ENOX1: variants seen among roughly 807,000 people sequenced by gnomAD.
The protein encoded by ENOX1 is candidate growth-related and time keeping constitutive hydroquinone (NADH) oxidase.
A neutral mutation model predicts 82.5 loss-of-function variants in ENOX1; 42 were observed. That is an observed-to-expected ratio of 0.51 (90% CI 0.40 to 0.66). The LOEUF (loss-of-function observed/expected upper bound fraction) is 0.66, where lower values mean the gene tolerates loss of function less well. Among genes scored for constraint, ENOX1 ranks in the 30% least tolerant of loss-of-function variants. The pLI, the probability that ENOX1 is intolerant of heterozygous loss-of-function variation, is 0.00. For missense variants in ENOX1, 608 were observed against 811.6 expected, an observed-to-expected ratio of 0.75 and a Z score of 3.05; for synonymous variants, 271 against 282.2, an observed-to-expected ratio of 0.96 and a Z score of 0.40.
rs114923021 is a variant in ENOX1 at position 43,461,535 on chromosome 13, A to G, written c.-75+22474T>C. 1.1e-3 allele frequency among the ~76,000 whole-genome samples: 172 copies of G among 152,308 alleles called. 1 individual carries two copies. The highest frequency in any genetic ancestry group is 0.01 in the Middle Eastern group (3 of 294). On this transcript the variant is annotated intron_variant, in intron 3 of 16. Transcript: ENST00000690772. ...CAAGGTCTCTGTCCTCACGGACTCT[A>G]TAAGTAGAATATATGAAAGGTGACT...
At chr13:43,551,638 G>A (rs754385462) in intron 2 of ENOX1, among the ~76,000 whole-genome samples, 9 of 152,076 alleles carry the variant, frequency 5.9e-5, no homozygotes, top group Non-Finnish European at 8.8e-5. Context: ...TTGATAATAC[G>A]ATGACTGAAA....
intron 11 of ENOX1, among the ~76,000 whole-genome samples, chr13:43,316,425 G>A (rs577585186): frequency 3.3e-5 from 5 of 152,148 alleles, no homozygotes; most frequent in African/African-American, 9.7e-5. Context: ...GAGATGTCAA[G>A]AATCATGGCA....
chr13:43,748,585 C>A (rs982207765), intron 1 of ENOX1, among the ~76,000 whole-genome samples: 1 of 152,140 alleles, frequency 6.6e-6, no homozygotes, highest in African/African-American at 2.4e-5. Flanking sequence ...GAATTTACTA[C>A]CTGACCTTGG....
intron 2 of ENOX1, among the ~76,000 whole-genome samples, chr13:43,567,553 C>T (rs953840770): frequency 3.3e-5 from 5 of 152,006 alleles, no homozygotes; most frequent in African/African-American, 9.7e-5. Context: ...TTCATTTCAT[C>T]CCTGTCTACA....
intron 2 of ENOX1, among the ~76,000 whole-genome samples, chr13:43,623,490 G>A (rs149461339): frequency 0.013 from 1,936 of 152,052 alleles, 54 homozygotes; most frequent in African/African-American, 0.044. Flanking sequence ...AGGTAAACTC[G>A]GAAACTTCTT....
intron 5 of ENOX1, among the ~76,000 whole-genome samples, chr13:43,400,786 C>T (rs552965878): frequency 6.6e-6 from 1 of 152,292 alleles, no homozygotes; most frequent in East Asian, 1.9e-4. Flanking sequence ...CCCCTACCCC[C>T]ACCACGAATG....
At chr13:43,501,064 GA>G (rs746473361) in intron 2 of ENOX1, among the ~76,000 whole-genome samples, 3 of 151,464 alleles carry the variant, frequency 2.0e-5, no homozygotes, top group Non-Finnish European at 4.4e-5. Context: ...AATTTAAGTG[GA>G]TCAAACTCAC....
At chr13:43,596,047 AAC>A (rs1398755106) in intron 2 of ENOX1, among the ~76,000 whole-genome samples, 2 of 152,236 alleles carry the variant, frequency 1.3e-5, no homozygotes, top group Non-Finnish European at 2.9e-5. Context: ...AAACTTCAGA[AAC>A]ACAGATGTTA....
chr13:43,597,735 G>T (rs973196407), intron 2 of ENOX1, among the ~76,000 whole-genome samples: 8 of 152,170 alleles, frequency 5.3e-5, no homozygotes, highest in African/African-American at 1.4e-4. Context: ...CAGAGAAAAA[G>T]CTGAGTCCTT....
At chr13:43,365,489 G>T (rs1299647022) in intron 5 of ENOX1, among the ~76,000 whole-genome samples, 2 of 152,226 alleles carry the variant, frequency 1.3e-5, no homozygotes, top group African/African-American at 4.8e-5. Flanking sequence ...ATAAAACACA[G>T]GTCCAGGTGG....
intron 2 of ENOX1, among the ~76,000 whole-genome samples, chr13:43,556,761 C>G (rs550228719): frequency 1.3e-5 from 2 of 149,682 alleles, no homozygotes; most frequent in Non-Finnish European, 3.0e-5. Flanking sequence ...TAAGTGGGTA[C>G]ATAAGTCACC....
At chr13:43,681,070 G>C (rs1237689933) in intron 1 of ENOX1, among the ~76,000 whole-genome samples, 2 of 152,186 alleles carry the variant, frequency 1.3e-5, no homozygotes, top group African/African-American at 4.8e-5. Context: ...TGGAGAGAAG[G>C]CCACACTTGC....
At chr13:43,738,946 G>A (rs116894344) in intron 1 of ENOX1, among the ~76,000 whole-genome samples, 2,068 of 152,210 alleles carry the variant, frequency 0.014, 36 homozygotes, top group South Asian at 0.029. Context: ...CCATACTCAT[G>A]GCTTAGCGGG....
chr13:43,423,876 C>T (rs1395428701), intron 3 of ENOX1, among the ~76,000 whole-genome samples: 1 of 152,164 alleles, frequency 6.6e-6, no homozygotes, highest in African/African-American at 2.4e-5. Flanking sequence ...CATTCACATT[C>T]TAAAAGTTCT....
Position 43,647,523 on chromosome 13 carries a change from A to G in ENOX1, c.-219+19956T>C, listed in dbSNP as rs114877546. On this transcript the variant is annotated intron_variant, in intron 2 of 16. Transcript: ENST00000690772. ...TCTGCCATCAGGAACCAAATTATCA[A>G]GAAGAATGTGACAAGTTCCACAAAT... Among the ~76,000 whole-genome samples, 911 of 152,324 alleles carry G rather than the reference A, an allele frequency of 6.0e-3. 12 individuals carry two copies. Among genetic ancestry groups the G allele is most frequent in the African/African-American group, 0.021 (875 of 41,586 alleles).
chr13:43,331,217 T>C (rs754187714), intron 9 of ENOX1, among the ~76,000 whole-genome samples: 5 of 152,242 alleles, frequency 3.3e-5, no homozygotes, highest in Non-Finnish European at 7.3e-5. Context: ...GTTAGAGTCC[T>C]CTAGAGAACA....
chr13:43,523,286 T>C (rs1221708485), intron 2 of ENOX1, among the ~76,000 whole-genome samples: 3 of 152,168 alleles, frequency 2.0e-5, no homozygotes, highest in Non-Finnish European at 2.9e-5. Flanking sequence ...TGGTTTAGTT[T>C]AGAAGGCACA....
chr13:43,652,447 C>T (rs561135184), intron 2 of ENOX1, among the ~76,000 whole-genome samples: 97 of 152,206 alleles, frequency 6.4e-4, no homozygotes, highest in African/African-American at 2.2e-3. Flanking sequence ...GGTGATGGTG[C>T]CACCAATAAA....
intron 3 of ENOX1, among the ~76,000 whole-genome samples, chr13:43,469,330 G>A (rs9533507): frequency 0.44 from 66,429 of 151,660 alleles, 15,013 homozygotes; most frequent in Non-Finnish European, 0.5. Flanking sequence ...CTGGTGTATA[G>A]TCTTTTTTAT....
Sources: gnomAD v4.1 joint callset for allele counts (sites outside exome capture counted in the v4.1 genomes callset) on GRCh38, gnomAD v4.1.1 for gene constraint, MANE v1.5 for transcripts, NCBI Gene and HGNC (gene_info 2026-07-23, HGNC 2026-07-21) for gene names.